ADGRB3: variants seen among roughly 807,000 people sequenced by gnomAD.
The protein encoded by ADGRB3 is adhesion G protein-coupled receptor B3, also known as brain-specific angiogenesis inhibitor 3.
In ADGRB3, 37 loss-of-function variants were observed where a neutral mutation model predicts 193.4. The ratio of observed to expected loss-of-function variants is 0.19; its 90% CI spans 0.15 to 0.25. The LOEUF (loss-of-function observed/expected upper bound fraction) is 0.25. ADGRB3 is among the 10% of genes least tolerant of loss of function. The pLI, the probability that ADGRB3 is intolerant of heterozygous loss-of-function variation, is 1.00. For synonymous variants in ADGRB3, 690 were observed against 644.2 expected (o/e 1.07, Z -1.08); for missense variants, 1,637 against 1,852.9 (o/e 0.88, Z 2.14).
chr6:68,753,847 AC>A (rs1276383181), intron 3 of ADGRB3, among the ~76,000 whole-genome samples: 1 of 152,144 alleles, frequency 6.6e-6, no homozygotes, highest in Non-Finnish European at 1.5e-5. Context: ...CTGGAAGAAT[AC>A]CCAGTTGAAA....
chr6:69,004,354 C>G (rs997185044), intron 11 of ADGRB3, among the ~76,000 whole-genome samples: 1 of 151,722 alleles, frequency 6.6e-6, no homozygotes, highest in Admixed American at 6.6e-5. Context: ...GTCTTTTTCT[C>G]TACACACTTG....
At chr6:68,744,901 A>G (rs1766053385) in intron 3 of ADGRB3, among the ~76,000 whole-genome samples, 1 of 152,202 alleles carries the variant, frequency 6.6e-6, no homozygotes, top group African/African-American at 2.4e-5. Flanking sequence ...AAAAATAGGA[A>G]TAAACAAAGA....
rs149976081 is a variant in ADGRB3, at chr6:69,218,382, T to C, written c.2481-14908T>C. 4.8e-3 allele frequency among the ~76,000 whole-genome samples: 736 copies of C among 152,248 alleles called. 4 individuals carry two copies. Among genetic ancestry groups the C allele is most frequent in the Non-Finnish European group, 7.5e-3 (513 of 68,010 alleles). On this transcript the variant is annotated intron_variant, in intron 17 of 31. Transcript: ENST00000370598. ...GCAGATTCTGTCCAGTGTGGATATATAAATAGGAATCACTTCAGCCTGTAC... is the reference window on the plus strand; with the variant it reads ...GCAGATTCTGTCCAGTGTGGATATACAAATAGGAATCACTTCAGCCTGTAC...
At chr6:68,932,525 A>C (rs1017916070) in intron 4 of ADGRB3, among the ~76,000 whole-genome samples, 1 of 152,078 alleles carries the variant, frequency 6.6e-6, no homozygotes, top group African/African-American at 2.4e-5. Flanking sequence ...ACATAAATAC[A>C]TGTATAAGAC....
chr6:68,836,246 T>C (rs506211), intron 3 of ADGRB3, among the ~76,000 whole-genome samples: 32,547 of 151,744 alleles, frequency 0.21, 4,046 homozygotes, highest in East Asian at 0.58. Flanking sequence ...CCCACACACC[T>C]AGATCTTGTC....
At chr6:69,092,186 A>G (rs544361424) in intron 17 of ADGRB3, among the ~76,000 whole-genome samples, 2 of 152,272 alleles carry the variant, frequency 1.3e-5, no homozygotes, top group East Asian at 3.9e-4. Context: ...TTTTGTCATG[A>G]TCTTCACAGG....
chr6:68,800,104 A>G (rs1178958683), intron 3 of ADGRB3, among the ~76,000 whole-genome samples: 1 of 152,130 alleles, frequency 6.6e-6, no homozygotes, highest in South Asian at 2.1e-4. Context: ...GCAGCGGTTT[A>G]TGAGGGATAT....
At position 68,695,133 on chromosome 6, in the gene ADGRB3, A is replaced by G. The variant is rs144880049; in HGVS notation, c.757+55701A>G. On this transcript the variant is annotated intron_variant, in intron 3 of 31. Transcript: ENST00000370598. ...TATTCAGTTTTAATTATTTTAATTT[A>G]AATGGCTACATGTGGCTAGTGGCTG... is the stretch of plus-strand genomic sequence containing the variant. 2.6e-5 allele frequency among the ~76,000 whole-genome samples: 4 copies of G among 152,168 alleles called. No homozygotes were observed. The East Asian group carries it at 5.8e-4, about 22-fold the overall frequency.
chr6:68,881,026 A>G (rs1352451376), intron 3 of ADGRB3, among the ~76,000 whole-genome samples: 4 of 152,244 alleles, frequency 2.6e-5, no homozygotes, highest in Middle Eastern at 3.4e-3. Context: ...TTGGTTGGAA[A>G]CTATGATTAG....
chr6:68,824,426 A>G (rs1767804565), intron 3 of ADGRB3, among the ~76,000 whole-genome samples: 1 of 149,732 alleles, frequency 6.7e-6, no homozygotes, highest in Non-Finnish European at 1.5e-5. Context: ...ATTTAGATAT[A>G]TTTACATATA....
chr6:69,359,034 G>A (rs1388475312), intron 28 of ADGRB3, among the ~76,000 whole-genome samples: 2 of 151,036 alleles, frequency 1.3e-5, no homozygotes, highest in Admixed American at 6.6e-5. Flanking sequence ...TATCTTGTAC[G>A]AATTTAAATT....
intron 3 of ADGRB3, among the ~76,000 whole-genome samples, chr6:68,671,100 G>T (rs948680118): frequency 2.0e-5 from 3 of 151,926 alleles, no homozygotes; most frequent in African/African-American, 7.2e-5. Context: ...AATTTTGTAT[G>T]TTGATGTTGT....
In ADGRB3 at chr6:68,975,299, G is replaced by A; in HGVS notation, c.1693G>A (p.Ala565Thr). ...GGCCTTCTGGGAACAGCCGAGCTTT[G>A]CAAGATGCATATCAAATGAGTACAG... is the stretch of plus-strand genomic sequence containing the variant. Reference protein sequence around the residue: ...GVAFWEQPSFARCISNEYRHL... With the variant: ...GVAFWEQPSFTRCISNEYRHL... Residue 565 changes from alanine to threonine, a missense_variant, in exon 10 of 32, where the codon GCA becomes ACA. Around this residue, in one of 7 missense-constraint regions of ADGRB3, gnomAD observed 641 missense variants for 673.9 expected, o/e 0.95. Transcript: ENST00000370598. 6.2e-7 allele frequency: 1 copy of A among 1,614,014 alleles called. No homozygotes were observed. The highest frequency in any genetic ancestry group is 1.1e-5 in the South Asian group (1 of 91,076).
At chr6:68,786,456 A>G (rs1196034012) in intron 3 of ADGRB3, among the ~76,000 whole-genome samples, 1 of 152,266 alleles carries the variant, frequency 6.6e-6, no homozygotes, top group East Asian at 1.9e-4. Flanking sequence ...CAAAGATCAG[A>G]TAGTTGTAGA....
At chr6:68,726,719 T>G (rs771002308) in intron 3 of ADGRB3, among the ~76,000 whole-genome samples, 4 of 151,672 alleles carry the variant, frequency 2.6e-5, no homozygotes, top group Non-Finnish European at 4.4e-5. Flanking sequence ...TTTGTAAGAT[T>G]CTGGCCCTAC....
chr6:68,955,441 T>G (rs934270198), intron 6 of ADGRB3, among the ~76,000 whole-genome samples: 2 of 152,244 alleles, frequency 1.3e-5, no homozygotes, highest in Non-Finnish European at 2.9e-5. Context: ...CCTAGCACAA[T>G]GTATTGCATC....
chr6:68,682,397 C>A (rs1764911991), intron 3 of ADGRB3, among the ~76,000 whole-genome samples: 2 of 151,948 alleles, frequency 1.3e-5, no homozygotes, highest in Admixed American at 1.3e-4. Flanking sequence ...TGAAATCGAA[C>A]CAAAGAAAAT....
intron 3 of ADGRB3, among the ~76,000 whole-genome samples, chr6:68,646,757 G>C (rs1768225474): frequency 6.6e-6 from 1 of 152,152 alleles, no homozygotes; most frequent in South Asian, 2.1e-4. Context: ...GCAGTTATAT[G>C]GGTCTGCAAA....
At chr6:68,759,913 G>T (rs1217970425) in intron 3 of ADGRB3, among the ~76,000 whole-genome samples, 2 of 151,954 alleles carry the variant, frequency 1.3e-5, no homozygotes, top group Admixed American at 1.3e-4. Context: ...AAATCTCATA[G>T]ATTTTTATTC....
Sources: gnomAD v4.1 joint callset for allele counts (sites outside exome capture counted in the v4.1 genomes callset) on GRCh38, gnomAD v4.1.1 for gene constraint, gnomAD v4.1.1 regional missense constraint, MANE v1.5 for transcripts, NCBI Gene and HGNC (gene_info 2026-07-23, HGNC 2026-07-21) for gene names.